The following CSMD3 variants were observed in gnomAD, a reference collection of about 807,000 sequenced individuals.
CSMD3 encodes CUB and Sushi multiple domains 3.
Under a neutral mutation model 435.2 loss-of-function variants are expected in CSMD3, and 177 were observed. That is an observed-to-expected ratio of 0.41 (90% confidence interval 0.36 to 0.46). CSMD3 has a LOEUF of 0.46. Among genes scored for constraint, CSMD3 ranks in the 20% least tolerant of loss-of-function variants. CSMD3 has a pLI of 0.34. For missense variants in CSMD3, 4,265 were observed against 4,504.6 expected (o/e 0.95, Z 1.52); for synonymous variants, 1,656 against 1,520.5 (o/e 1.09, Z -2.07).
chr8:112,531,816 T>C (rs964785436), intron 27 of CSMD3, among the ~76,000 whole-genome samples: 9 of 152,224 alleles, frequency 5.9e-5, no homozygotes, highest in Admixed American at 2.6e-4. Context: ...CAGACATTGA[T>C]TGACACATGT....
At chr8:112,857,859 A>C (rs1273932242) in intron 11 of CSMD3, among the ~76,000 whole-genome samples, 1 of 151,702 alleles carries the variant, frequency 6.6e-6, no homozygotes, top group African/African-American at 2.4e-5. Flanking sequence ...TCAACAACCA[A>C]TAATTTGCAC....
At chr8:112,589,582 A>G (rs905682791) in intron 22 of CSMD3, among the ~76,000 whole-genome samples, 1 of 152,212 alleles carries the variant, frequency 6.6e-6, no homozygotes, top group Admixed American at 6.5e-5. Context: ...CAAGATTTTC[A>G]TTATATATAA....
chr8:113,376,670 T>A, intron 1 of CSMD3: 3 of 1,577,086 alleles, frequency 1.9e-6, no homozygotes, highest in Non-Finnish European at 2.6e-6. Flanking sequence ...GGCGCCATCA[T>A]GGGAGTTGAC....
Position 112,315,651 on chromosome 8 carries a change from A to C in CSMD3, c.7361-1034T>G, listed in dbSNP as rs143540115. ...CCATAGTAAAATGTCTTACGAACAT[A>C]ATTGCTAACCAGTTTTAAACTTAGA... On this transcript the variant is annotated intron_variant, in intron 47 of 70. Coordinates refer to ENST00000297405, the MANE Select transcript of CSMD3 (RefSeq NM_198123.2). 5.3e-4 allele frequency among the ~76,000 whole-genome samples: 80 copies of C among 151,940 alleles called. 1 individual carries two copies. Among genetic ancestry groups the C allele is most frequent in the Middle Eastern group, 3.4e-3 (1 of 292 alleles).
chr8:112,444,641 G>A (rs1259155318), intron 32 of CSMD3, among the ~76,000 whole-genome samples: 1 of 152,184 alleles, frequency 6.6e-6, no homozygotes, highest in Non-Finnish European at 1.5e-5. Flanking sequence ...CACTTGTGTG[G>A]CATTCAGGAA....
At chr8:112,473,825 TACCTTTTTTCAGATTAGGA>T (rs1244004455) in intron 31 of CSMD3, among the ~76,000 whole-genome samples, 2 of 151,460 alleles carry the variant, frequency 1.3e-5, no homozygotes, top group African/African-American at 4.9e-5. Context: ...CAGGAACTTG[TACCTTTTTTCAGATTAGGA>T]GCCATCCTTC....
At chr8:113,272,702 A>G (rs767517735) in intron 3 of CSMD3, among the ~76,000 whole-genome samples, 2 of 152,242 alleles carry the variant, frequency 1.3e-5, no homozygotes, top group Non-Finnish European at 2.9e-5. Flanking sequence ...GGACTAATAC[A>G]GAACCTATTC....
intron 23 of CSMD3, among the ~76,000 whole-genome samples, chr8:112,574,026 A>G (rs1829744382): frequency 6.6e-6 from 1 of 151,986 alleles, no homozygotes; most frequent in African/African-American, 2.4e-5. Context: ...AACTTTCTCA[A>G]GATCAAACAT....
chr8:112,333,669 T>TAC (rs147365873), intron 45 of CSMD3, among the ~76,000 whole-genome samples: 21,615 of 147,852 alleles, frequency 0.15, 2,060 homozygotes, highest in Non-Finnish European at 0.21. Flanking sequence ...TTCTGTCTCA[T>TAC]ACACACACAC....
intron 6 of CSMD3, among the ~76,000 whole-genome samples, chr8:112,980,285 A>C (rs1002768228): frequency 1.3e-5 from 2 of 151,116 alleles, no homozygotes; most frequent in Non-Finnish European, 3.0e-5. Context: ...CCCAAAATAT[A>C]TAAGAACATG....
chr8:113,188,741 T>C (rs1225794098), intron 3 of CSMD3, among the ~76,000 whole-genome samples: 2 of 151,904 alleles, frequency 1.3e-5, no homozygotes, highest in Non-Finnish European at 1.5e-5. Context: ...ATTAATAAAA[T>C]CAAATAAACC....
chr8:113,184,404 C>T (rs567185366), intron 3 of CSMD3, among the ~76,000 whole-genome samples: 8 of 151,948 alleles, frequency 5.3e-5, no homozygotes, highest in Non-Finnish European at 1.2e-4. Flanking sequence ...ATCCTCTACT[C>T]CTGTCTTGGT....
At chr8:112,914,368 A>G (rs1282689355) in intron 10 of CSMD3, among the ~76,000 whole-genome samples, 2 of 151,750 alleles carry the variant, frequency 1.3e-5, no homozygotes, top group African/African-American at 4.8e-5. Flanking sequence ...TGCTTCTTAC[A>G]TTGTGTCTAG....
At chr8:112,954,862 A>G in intron 7 of CSMD3, 101 bp from the exon 8 acceptor site, 1 of 746,718 alleles carries the variant, frequency 1.3e-6, no homozygotes, top group South Asian at 1.5e-5. Flanking sequence ...CAAGATAAAG[A>G]AACCACTTTC....
rs866369516 is a variant in CSMD3, at chr8:112,999,023, A to G, written c.1030+20044T>C. Among the ~76,000 whole-genome samples, 3 of 151,984 alleles carry G rather than the reference A, an allele frequency of 2.0e-5. No individual in the cohort carries two copies. The South Asian group carries it at 6.2e-4, about 32-fold the overall frequency. On this transcript the variant is annotated intron_variant, in intron 6 of 70. Transcript: ENST00000297405. ...TCAGGTATTTCTTTACAGCAGTGTG[A>G]GAACAAACTAGTACACCATTCTATC...
chr8:113,433,233 C>T (rs1474311886), intron 1 of CSMD3, among the ~76,000 whole-genome samples: 5 of 152,112 alleles, frequency 3.3e-5, no homozygotes, highest in Admixed American at 3.3e-4. Context: ...ACATTGATTT[C>T]CCTTCCCTCA....
intron 13 of CSMD3, among the ~76,000 whole-genome samples, chr8:112,702,297 C>G (rs1415274081): frequency 6.6e-6 from 1 of 152,054 alleles, no homozygotes; most frequent in East Asian, 1.9e-4. Flanking sequence ...ACTATACCCT[C>G]TCTCAGAGCC....
intron 3 of CSMD3, among the ~76,000 whole-genome samples, chr8:113,217,539 T>A (rs2092918984): frequency 6.6e-6 from 1 of 151,656 alleles, no homozygotes; most frequent in African/African-American, 2.4e-5. Context: ...ACATTAGAAA[T>A]CTTAGAATTA....
At chr8:113,321,740 TCAGAGA>T (rs1408981243) in intron 1 of CSMD3, among the ~76,000 whole-genome samples, 1 of 152,308 alleles carries the variant, frequency 6.6e-6, no homozygotes, top group African/African-American at 2.4e-5. Flanking sequence ...TTGAGGAAAC[TCAGAGA>T]CAAATAGGGT....
Sources: gnomAD v4.1 joint callset for allele counts (sites outside exome capture counted in the v4.1 genomes callset) on GRCh38, gnomAD v4.1.1 for gene constraint, MANE v1.5 for transcripts, NCBI Gene and HGNC (gene_info 2026-07-23, HGNC 2026-07-21) for gene names.